Variants in SYT14 observed in about 807,000 individuals in gnomAD.
SYT14 encodes the protein synaptotagmin 14, also known as synaptotagmin-14.
Under a neutral mutation model 74.2 loss-of-function variants are expected in SYT14, and 32 were observed. The observed-to-expected ratio is 0.43, with a 90% CI of 0.33 to 0.58. The LOEUF (loss-of-function observed/expected upper bound fraction) is 0.58, where lower values mean the gene tolerates loss of function less well. Among genes scored for constraint, SYT14 ranks in the 20% least tolerant of loss-of-function variants. The probability of loss-of-function intolerance (pLI) is 0.05; values close to 1 mark genes in which losing one functional copy is unlikely to be tolerated. For synonymous variants in SYT14, 298 were observed against 337.7 expected (o/e 0.88, Z 1.29); for missense variants, 791 against 981.8 (o/e 0.81, Z 2.60).
At chr1:210,161,006 G>A (rs1259940357) in exon 10 of SYT14, 3 of 1,613,784 alleles carry the variant, frequency 1.9e-6, no homozygotes, top group South Asian at 2.2e-5. Context: ...CAAAAGGACA[G>A]CAAGTATGTA....
chr1:210,142,419 A>G (rs531951384), intron 7 of SYT14, among the ~76,000 whole-genome samples: 2 of 152,116 alleles, frequency 1.3e-5, no homozygotes, highest in Admixed American at 1.3e-4. Flanking sequence ...GCCAGTGTTC[A>G]TGTTGCTTTT....
At chr1:210,065,044 T>C (rs954455880) in intron 5 of SYT14, among the ~76,000 whole-genome samples, 1 of 152,130 alleles carries the variant, frequency 6.6e-6, no homozygotes, top group Non-Finnish European at 1.5e-5. Flanking sequence ...CGTCTTTTCA[T>C]GTGCTTACTA....
intron 7 of SYT14, among the ~76,000 whole-genome samples, chr1:210,112,756 G>C (rs1314305783): frequency 6.6e-6 from 1 of 151,314 alleles, no homozygotes; most frequent in Non-Finnish European, 1.5e-5. Flanking sequence ...ATTAATGATG[G>C]AGGACCCTTG....
At chr1:210,109,082 G>A (rs2082211409) in intron 7 of SYT14, among the ~76,000 whole-genome samples, 1 of 151,640 alleles carries the variant, frequency 6.6e-6, no homozygotes, top group Admixed American at 6.6e-5. Context: ...GTGTAAGAAG[G>A]TTGAATCCAG....
intron 7 of SYT14, among the ~76,000 whole-genome samples, chr1:210,103,967 A>G (rs778630289): frequency 1.3e-5 from 2 of 152,174 alleles, no homozygotes; most frequent in African/African-American, 4.8e-5. Context: ...CATAAAATTG[A>G]CTTTCCCCGT....
chr1:210,044,416 C>CT (rs2080848693), intron 5 of SYT14, among the ~76,000 whole-genome samples: 1 of 152,184 alleles, frequency 6.6e-6, no homozygotes, highest in Non-Finnish European at 1.5e-5. Flanking sequence ...TTCACTTCAA[C>CT]TTTTTACTCC....
intron 1 of SYT14, among the ~76,000 whole-genome samples, chr1:209,948,622 G>T (rs901387081): frequency 9.2e-5 from 14 of 152,036 alleles, no homozygotes; most frequent in African/African-American, 3.4e-4. Flanking sequence ...AAACAATTTC[G>T]TAACTTTCAT....
intron 7 of SYT14, among the ~76,000 whole-genome samples, chr1:210,126,181 G>T (rs2082565892): frequency 6.6e-6 from 1 of 151,720 alleles, no homozygotes; most frequent in African/African-American, 2.4e-5. Context: ...CCAGCCTGGC[G>T]ACAGAGTGAG....
chr1:210,019,416 A>G (rs541355900), intron 4 of SYT14, among the ~76,000 whole-genome samples: 2 of 152,278 alleles, frequency 1.3e-5, no homozygotes, highest in South Asian at 4.1e-4. Context: ...ATTGTTCCAT[A>G]TAGTAACCGC....
chr1:210,109,334 C>T (rs144158338), intron 7 of SYT14, among the ~76,000 whole-genome samples: 262 of 152,142 alleles, frequency 1.7e-3, no homozygotes, highest in African/African-American at 6.0e-3. Flanking sequence ...AATCCTAGCA[C>T]TATGGGAGGC....
intron 1 of SYT14, among the ~76,000 whole-genome samples, chr1:209,938,860 G>A (rs962135613): frequency 3.9e-5 from 6 of 151,968 alleles, no homozygotes; most frequent in African/African-American, 1.2e-4. Context: ...TTGGGGTTAG[G>A]TTAATTTCCT....
chr1:210,107,511 C>T (rs1403636382), intron 7 of SYT14, among the ~76,000 whole-genome samples: 2 of 152,018 alleles, frequency 1.3e-5, no homozygotes, highest in Non-Finnish European at 2.9e-5. Context: ...ATAAAAAATA[C>T]TGTATTTGAT....
chr1:210,018,394 A>G (rs2080232551), intron 4 of SYT14, among the ~76,000 whole-genome samples: 1 of 152,068 alleles, frequency 6.6e-6, no homozygotes, highest in South Asian at 2.1e-4. Flanking sequence ...CGGCCTCCCA[A>G]AGTGCTAGGA....
intron 5 of SYT14, among the ~76,000 whole-genome samples, chr1:210,075,655 A>G (rs1327668150): frequency 2.0e-5 from 3 of 152,018 alleles, no homozygotes; most frequent in Admixed American, 2.0e-4. Flanking sequence ...TTTTATAGGC[A>G]CAGGATGGGG....
At chr1:210,072,088 T>C (rs147958703) in intron 5 of SYT14, among the ~76,000 whole-genome samples, 141 of 151,130 alleles carry the variant, frequency 9.3e-4, no homozygotes, top group African/African-American at 3.3e-3. Context: ...TTGATGTCTA[T>C]TCAGATTTTT....
At chr1:209,989,764 G>A (rs976315532) in intron 2 of SYT14, among the ~76,000 whole-genome samples, 1 of 152,010 alleles carries the variant, frequency 6.6e-6, no homozygotes, top group Admixed American at 6.6e-5. Context: ...CCATCTAATG[G>A]CTAATATGAA....
chr1:210,108,180 T>A (rs187529504), intron 7 of SYT14, among the ~76,000 whole-genome samples: 76 of 152,334 alleles, frequency 5.0e-4, no homozygotes, highest in African/African-American at 1.8e-3. Context: ...ACAAAGCAGT[T>A]CTGGAAGTAG....
chr1:210,088,693 G>T (rs2081794814), intron 5 of SYT14, among the ~76,000 whole-genome samples: 1 of 151,884 alleles, frequency 6.6e-6, no homozygotes, highest in Non-Finnish European at 1.5e-5. Flanking sequence ...CATGGACATG[G>T]ATGAAGCTGG....
intron 2 of SYT14, among the ~76,000 whole-genome samples, chr1:209,955,467 A>G (rs1193063220): frequency 2.0e-5 from 3 of 152,160 alleles, no homozygotes; most frequent in African/African-American, 7.2e-5. Flanking sequence ...TTCTACCTGC[A>G]AAGTATATTT....
Sources: gnomAD v4.1 joint callset for allele counts (sites outside exome capture counted in the v4.1 genomes callset) on GRCh38, gnomAD v4.1.1 for gene constraint, MANE v1.5 for transcripts, NCBI Gene and HGNC (gene_info 2026-07-23, HGNC 2026-07-21) for gene names.